Variants in JAKMIP1 observed in about 807,000 individuals in gnomAD.
JAKMIP1 encodes the protein janus kinase and microtubule-interacting protein 1.
In JAKMIP1, 33 loss-of-function variants were observed where a neutral mutation model predicts 113.0. That is an observed-to-expected ratio of 0.29 (90% confidence interval 0.22 to 0.39). JAKMIP1 has a LOEUF of 0.39. Among genes scored for constraint, JAKMIP1 ranks in the 10% least tolerant of loss-of-function variants. The pLI is 1.00. For synonymous variants in JAKMIP1, 480 were observed against 459.9 expected (o/e 1.04, Z -0.56); for missense variants, 813 against 1,080.5 (o/e 0.75, Z 3.47).
intron 1 of JAKMIP1, among the ~76,000 whole-genome samples, chr4:6,122,930 G>A (rs941881175): frequency 1.3e-4 from 20 of 152,144 alleles, no homozygotes; most frequent in African/African-American, 4.6e-4. Flanking sequence ...GTTGTTTTGG[G>A]CATGAAATGG....
At chr4:6,104,687 G>A (rs1242100029) in intron 3 of JAKMIP1, among the ~76,000 whole-genome samples, 1 of 152,252 alleles carries the variant, frequency 6.6e-6, no homozygotes, top group Non-Finnish European at 1.5e-5. Context: ...CTGAGGGGCA[G>A]ACTGGTCATG....
chr4:6,029,677 G>A lies in JAKMIP1; in HGVS notation c.2445+39C>T, dbSNP rs776710569. 27 of 1,419,932 alleles carry A rather than the reference G, an allele frequency of 1.9e-5. No homozygotes were observed. The Admixed American group carries it at 4.6e-4, about 24-fold the overall frequency. The allele number at this position is 1,419,932 out of a possible 1,614,324, so 88.0% of individuals were successfully genotyped here. A position where few individuals can be genotyped will look rare whatever the true frequency, so the allele number is the denominator to read the frequency against. On this transcript the variant is annotated intron_variant, in intron 20 of 20. Coordinates refer to ENST00000409021, the MANE Select transcript of JAKMIP1 (RefSeq NM_001099433.2). ...AATGATTCCGCACTAACATTTCATG[G>A]AAAGAAACCTGGGGACAGTCTGAGC...
In JAKMIP1 at chr4:6,162,116, C is replaced by A. The variant is rs962519419; in HGVS notation, c.-148+38137G>T. ...TGTCTGGGACGGGGTAGATTATGGG[C>A]CAGACGGGGGGCCAAGAGGTCAGCA... is the stretch of plus-strand genomic sequence containing the variant. On this transcript the variant is annotated intron_variant, in intron 1 of 20. Coordinates refer to ENST00000409021, the MANE Select transcript of JAKMIP1 (RefSeq NM_001099433.2). The surrounding 1 kb of genome is among the most constrained non-coding windows in gnomAD (Gnocchi z 5.6). Among the ~76,000 whole-genome samples, 5 of 149,334 alleles carry A rather than the reference C, an allele frequency of 3.3e-5. No individual in the cohort carries two copies. Among genetic ancestry groups the A allele is most frequent in the Non-Finnish European group, 5.9e-5 (4 of 68,006 alleles).
chr4:6,114,296 G>A (rs1332116750), intron 1 of JAKMIP1, among the ~76,000 whole-genome samples: 1 of 152,178 alleles, frequency 6.6e-6, no homozygotes, highest in Non-Finnish European at 1.5e-5. Context: ...TACAGAAGAT[G>A]GTGTGTCTAG....
chr4:6,043,259 C>T lies in JAKMIP1; in HGVS notation c.2029-1032G>A, dbSNP rs145602448. ...GCCACCAGATCCCGGCTGTGGAGCA[C>T]CCCCTTTCCTGACTCCAGGCCTTGG... On this transcript the variant is annotated intron_variant, in intron 16 of 20. Transcript: ENST00000409021. Among the ~76,000 whole-genome samples the T allele has an allele frequency of 6.3e-3, 954 of 151,594 alleles. 7 individuals are homozygous for T. The highest frequency in any genetic ancestry group is 0.021 in the African/African-American group (885 of 41,286).
chr4:6,161,264 A>C (rs1233589248), intron 1 of JAKMIP1, among the ~76,000 whole-genome samples: 2 of 127,210 alleles, frequency 1.6e-5, no homozygotes, highest in East Asian at 2.3e-4. Context: ...ACTCACCTCC[A>C]CTCACTTCCC....
Position 6,168,662 on chromosome 4 carries a change from G to A in JAKMIP1, c.-148+31591C>T, listed in dbSNP as rs554804113. On this transcript the variant is annotated intron_variant, in intron 1 of 20. Coordinates refer to ENST00000409021, the MANE Select transcript of JAKMIP1 (RefSeq NM_001099433.2). The surrounding 1 kb of genome is among the most constrained non-coding windows in gnomAD (Gnocchi z 4.6). The stretch of plus-strand genomic sequence containing the variant: ...TCCCAGCACTTTGGGAGGGCGAGGC[G>A]GGCAGATTTTTTGAGTCCAAGAGTC... Among the ~76,000 whole-genome samples the A allele has an allele frequency of 3.8e-4, 58 of 152,172 alleles. No homozygotes were observed. The highest frequency in any genetic ancestry group is 3.4e-3 in the Middle Eastern group (1 of 294).
rs895537616 is a variant in JAKMIP1 at position 6,179,009 on chromosome 4, A to G, written c.-148+21244T>C. ...ATGGATTGCCACATCCAAAAAGATC[A>G]GGTTACAAAGCTGGTATAGCATATT... On this transcript the variant is annotated intron_variant, in intron 1 of 20. Coordinates refer to ENST00000409021, the MANE Select transcript of JAKMIP1 (RefSeq NM_001099433.2). This position sits in a 1 kb window ranked among gnomAD's most constrained non-coding sequence, Gnocchi z 4.5. Among the ~76,000 whole-genome samples the G allele has an allele frequency of 1.4e-4, 21 of 152,386 alleles. No homozygotes were observed. Among genetic ancestry groups the G allele is most frequent in the Non-Finnish European group, 8.8e-5 (6 of 68,044 alleles).
Position 6,142,271 on chromosome 4 carries a change from C to G in JAKMIP1, c.-147-29274G>C, listed in dbSNP as rs1180455437. ...ATGGAGAGATTCCCTTTCCAATTCA[C>G]TGGCCAAACGCTGCAAAGTTTCGAA... On this transcript the variant is annotated intron_variant, in intron 1 of 20. Transcript: ENST00000409021. The surrounding 1 kb of genome is among the most constrained non-coding windows in gnomAD (Gnocchi z 5.5). Among the ~76,000 whole-genome samples the G allele has an allele frequency of 6.6e-6, 1 of 152,184 alleles. No individual in the cohort carries two copies. Among genetic ancestry groups the G allele is most frequent in the Non-Finnish European group, 1.5e-5 (1 of 68,044 alleles).
chr4:6,138,833 A>G lies in JAKMIP1; in HGVS notation c.-147-25836T>C, dbSNP rs1489687195. ...CCCCTAACCTGGAAAAATGAGGAAA[A>G]TCATAGTACCTGCCCCGGCAAAAGC... On this transcript the variant is annotated intron_variant, in intron 1 of 20. Coordinates refer to ENST00000409021, the MANE Select transcript of JAKMIP1 (RefSeq NM_001099433.2). The surrounding 1 kb of genome is among the most constrained non-coding windows in gnomAD (Gnocchi z 6.0). 1.1e-4 allele frequency among the ~76,000 whole-genome samples: 17 copies of G among 152,072 alleles called. No individual in the cohort carries two copies. The highest frequency in any genetic ancestry group is 1.1e-3 in the Admixed American group (17 of 15,268).
chr4:6,174,176 T>C (rs932752774), intron 1 of JAKMIP1, among the ~76,000 whole-genome samples: 2 of 152,180 alleles, frequency 1.3e-5, no homozygotes, highest in East Asian at 1.9e-4. Flanking sequence ...ATACCCTATA[T>C]AGCAAAATGA....
chr4:6,134,627 C>T (rs1718972215), intron 1 of JAKMIP1, among the ~76,000 whole-genome samples: 1 of 152,216 alleles, frequency 6.6e-6, no homozygotes, highest in African/African-American at 2.4e-5. Context: ...TTGCCCATCC[C>T]CGCCACCAGA....
intron 1 of JAKMIP1, among the ~76,000 whole-genome samples, chr4:6,121,679 C>T (rs1393110362): frequency 2.0e-5 from 3 of 152,220 alleles, no homozygotes; most frequent in Non-Finnish European, 4.4e-5. Context: ...CTCCAGTGAT[C>T]GCAGCGCGGC....
intron 13 of JAKMIP1, among the ~76,000 whole-genome samples, chr4:6,053,085 G>A (rs1475736828): frequency 6.6e-6 from 1 of 152,246 alleles, no homozygotes; most frequent in East Asian, 1.9e-4. Flanking sequence ...AGAGACAGCA[G>A]AGCTGCGCCA....
At position 6,094,959 on chromosome 4, in the gene JAKMIP1, G is replaced by A. The variant is rs1416203871; in HGVS notation, c.625-9330C>T. 6.6e-6 allele frequency among the ~76,000 whole-genome samples: 1 copy of A among 151,746 alleles called. No individual in the cohort carries two copies. Among genetic ancestry groups the A allele is most frequent in the Non-Finnish European group, 1.5e-5 (1 of 67,982 alleles). On this transcript the variant is annotated intron_variant, in intron 3 of 20. Coordinates refer to ENST00000409021, the MANE Select transcript of JAKMIP1 (RefSeq NM_001099433.2). This position sits in a 1 kb window ranked among gnomAD's most constrained non-coding sequence, Gnocchi z 4.2. ...TGATTGCACCACTGCACTCCAGCCT[G>A]GGCGACAGAGCAAGACCCTGTCAAA...
rs908560865 is a variant in JAKMIP1, at chr4:6,040,609, C to A, written c.2175+30G>T. On this transcript the variant is annotated intron_variant, in intron 18 of 20. Transcript: ENST00000409021. The surrounding 1 kb of genome is among the most constrained non-coding windows in gnomAD (Gnocchi z 5.8). Reference sequence around the variant, plus strand: ...AGCCTCTAATGTGGAGTCTAAGAAGCCAAAGTGTCAAACCCACTTCTGGTC... The same window carrying A: ...AGCCTCTAATGTGGAGTCTAAGAAGACAAAGTGTCAAACCCACTTCTGGTC... 3 of 1,562,010 alleles carry A rather than the reference C, an allele frequency of 1.9e-6. No homozygotes were observed. The highest frequency in any genetic ancestry group is 2.6e-6 in the Non-Finnish European group (3 of 1,133,968).
intron 1 of JAKMIP1, among the ~76,000 whole-genome samples, chr4:6,174,805 C>A: frequency 6.6e-6 from 1 of 151,820 alleles, no homozygotes; most frequent in East Asian, 1.9e-4. Flanking sequence ...CAGGTGACCC[C>A]GTCGTGTCAA....
At chr4:6,082,941 T>C (rs369663892) in intron 5 of JAKMIP1, among the ~76,000 whole-genome samples, 1 of 151,736 alleles carries the variant, frequency 6.6e-6, no homozygotes. Flanking sequence ...GTGATGTAAT[T>C]GATCAATGAG....
At chr4:6,103,227 A>C (rs933768093) in intron 3 of JAKMIP1, among the ~76,000 whole-genome samples, 32 of 152,062 alleles carry the variant, frequency 2.1e-4, no homozygotes, top group Non-Finnish European at 4.7e-4. Context: ...ATGAAGTTGA[A>C]TTTTACCAAC....
Sources: allele counts gnomAD v4.1 joint callset (sites outside exome capture counted in the v4.1 genomes callset), GRCh38; gene constraint gnomAD v4.1.1; non-coding constraint Gnocchi (gnomAD v3.1); transcripts MANE v1.5; gene names NCBI Gene and HGNC (gene_info 2026-07-23, HGNC 2026-07-21).